SNX8: variants seen among roughly 807,000 people sequenced by gnomAD.
SNX8 encodes the protein sorting nexin-8.
A neutral mutation model predicts 51.6 loss-of-function variants in SNX8; 25 were observed. That is an observed-to-expected ratio of 0.48 (90% CI 0.35 to 0.68). The LOEUF (loss-of-function observed/expected upper bound fraction) is 0.68, where lower values mean the gene tolerates loss of function less well. Among genes scored for constraint, SNX8 ranks in the 30% least tolerant of loss-of-function variants. SNX8 has a pLI of 0.00. For synonymous variants in SNX8, 324 were observed against 277.0 expected (o/e 1.17, Z -1.68); for missense variants, 695 against 624.0 (o/e 1.11, Z -1.21).
chr7:2,294,223 A>G (rs1252692998), intron 1 of SNX8, among the ~76,000 whole-genome samples: 4 of 151,994 alleles, frequency 2.6e-5, no homozygotes, highest in African/African-American at 9.7e-5. Context: ...AGATCACGCC[A>G]TTGCACCCCA....
intron 7 of SNX8, among the ~76,000 whole-genome samples, chr7:2,260,787 G>T (rs752990277): frequency 6.6e-6 from 1 of 152,198 alleles, no homozygotes. Flanking sequence ...TCAGGAAACA[G>T]CACTTCTCCA....
chr7:2,259,416 G>C (rs1003444213), intron 7 of SNX8, among the ~76,000 whole-genome samples: 2 of 152,222 alleles, frequency 1.3e-5, no homozygotes, highest in Non-Finnish European at 2.9e-5. Flanking sequence ...CCGTGGTAGG[G>C]GGTGAAAAGC....
Position 2,278,263 on chromosome 7 carries a change from T to G in SNX8, c.137A>C (p.Gln46Pro). Residue 46 changes from glutamine (Q) to proline (P), a missense_variant, in exon 2 of 11, where the codon CAG (glutamine) becomes CCG (proline). Transcript: ENST00000222990. ...CATTCGACTGGGGGCTGGGACCTGC[T>G]GCACGATGGCCTGGGGCTCGATGGC... is the stretch of plus-strand genomic sequence containing the variant. ...PQAIEPQAIV[Q>P]QVPAPSRMQM... The G allele has an allele frequency of 6.2e-7, 1 of 1,603,350 alleles. No homozygotes were observed. Among genetic ancestry groups the G allele is most frequent in the African/African-American group, 1.3e-5 (1 of 74,880 alleles).
chr7:2,259,941 G>A (rs1482399648), intron 7 of SNX8, among the ~76,000 whole-genome samples: 2 of 151,706 alleles, frequency 1.3e-5, no homozygotes, highest in Non-Finnish European at 2.9e-5. Flanking sequence ...ATTGTCTTGA[G>A]CCACACATAA....
intron 1 of SNX8, among the ~76,000 whole-genome samples, chr7:2,321,633 C>T (rs2115225293): frequency 6.7e-6 from 1 of 149,850 alleles, no homozygotes; most frequent in South Asian, 2.1e-4. Flanking sequence ...TCACTGTGGT[C>T]TCGATCTCCT....
At chr7:2,329,897 G>A (rs1286754410) in intron 1 of SNX8, among the ~76,000 whole-genome samples, 1 of 150,380 alleles carries the variant, frequency 6.6e-6, no homozygotes, top group African/African-American at 2.5e-5. Context: ...GTGCGATCTC[G>A]GCTCACCGCA....
chr7:2,263,265 C>T lies in SNX8; in HGVS notation c.880G>A (p.Glu294Lys). Reference protein sequence around the residue: ...LKQALKGLSVEFALLADKAAQ... With the variant: ...LKQALKGLSVKFALLADKAAQ... Reference sequence around the variant, plus strand: ...GCCTTGTCGGCGAGCAGCGCGAATTCCACAGACAGGCCTTTCAGAGCCTGC... The same window carrying T: ...GCCTTGTCGGCGAGCAGCGCGAATTTCACAGACAGGCCTTTCAGAGCCTGC... The change falls in exon 7 of 11, where the codon GAA (glutamate) becomes AAA (lysine). Residue 294 changes from glutamate to lysine, a missense_variant. Glu to Lys is a moderately conservative substitution (Grantham distance 56). Coordinates refer to ENST00000222990, the MANE Select transcript of SNX8 (RefSeq NM_013321.4). 1 of 1,613,974 alleles carries T rather than the reference C, an allele frequency of 6.2e-7. No individual in the cohort carries two copies. The highest frequency in any genetic ancestry group is 8.5e-7 in the Non-Finnish European group (1 of 1,180,028).
At chr7:2,279,425 G>T (rs1795860207) in intron 1 of SNX8, among the ~76,000 whole-genome samples, 2 of 152,156 alleles carry the variant, frequency 1.3e-5, no homozygotes, top group Admixed American at 1.3e-4. Context: ...TCATGCTACA[G>T]AGTCGACGCT....
chr7:2,300,507 G>A (rs1584718535), intron 1 of SNX8, among the ~76,000 whole-genome samples: 1 of 152,032 alleles, frequency 6.6e-6, no homozygotes, highest in South Asian at 2.1e-4. Context: ...CAGTCTCTTG[G>A]GCTCAAGCGA....
intron 1 of SNX8, among the ~76,000 whole-genome samples, chr7:2,281,299 G>C (rs1795900599): frequency 6.6e-6 from 1 of 151,832 alleles, no homozygotes; most frequent in South Asian, 2.1e-4. Context: ...GCAACCTGTA[G>C]TCCCAGCTAC....
At chr7:2,321,186 G>C (rs950120194) in intron 1 of SNX8, among the ~76,000 whole-genome samples, 2 of 152,130 alleles carry the variant, frequency 1.3e-5, no homozygotes, top group Admixed American at 6.6e-5. Context: ...ATAAAGCCAG[G>C]GCTACAGGTG....
At chr7:2,336,477 G>C (rs1320341577) in intron 1 of SNX8, among the ~76,000 whole-genome samples, 3 of 152,142 alleles carry the variant, frequency 2.0e-5, no homozygotes, top group African/African-American at 7.2e-5. Flanking sequence ...GGGAGGCCAA[G>C]GCAGGCAGAT....
rs561576209 is a variant in SNX8 at position 2,303,718 on chromosome 7, G to A, written c.94+10610C>T. Among the ~76,000 whole-genome samples the A allele has an allele frequency of 8.9e-4, 135 of 152,202 alleles. 1 individual carries two copies. The highest frequency in any genetic ancestry group is 3.0e-3 in the African/African-American group (124 of 41,530). On this transcript the variant is annotated intron_variant, in intron 1 of 10. Coordinates refer to ENST00000222990, the MANE Select transcript of SNX8 (RefSeq NM_013321.4). Reference sequence around the variant, plus strand: ...CTCAGGGTTAAATGGATTAAGGGCGGTGCAAGATATGCTTTGTTAAACAGA... The same window carrying A: ...CTCAGGGTTAAATGGATTAAGGGCGATGCAAGATATGCTTTGTTAAACAGA...
chr7:2,348,061 G>C (rs1219584346), intron 1 of SNX8, among the ~76,000 whole-genome samples: 4 of 152,122 alleles, frequency 2.6e-5, no homozygotes, highest in Non-Finnish European at 2.9e-5. Flanking sequence ...TGAGAAACTT[G>C]CTGGAGAGAA....
At chr7:2,289,301 C>A (rs1032581621) in intron 1 of SNX8, among the ~76,000 whole-genome samples, 1 of 152,152 alleles carries the variant, frequency 6.6e-6, no homozygotes, top group Admixed American at 6.6e-5. Flanking sequence ...CATATGTGTG[C>A]CTTTCTGTTG....
At chr7:2,340,519 T>A (rs564771042) in intron 1 of SNX8, among the ~76,000 whole-genome samples, 2 of 152,098 alleles carry the variant, frequency 1.3e-5, no homozygotes, top group South Asian at 4.2e-4. Context: ...TCTATATTTT[T>A]ACAGGTTCCT....
chr7:2,285,069 G>T (rs149576434), intron 1 of SNX8, among the ~76,000 whole-genome samples: 83 of 152,056 alleles, frequency 5.5e-4, no homozygotes, highest in African/African-American at 1.9e-3. Context: ...AAAATTAGCC[G>T]GGTGTGGTGG....
At chr7:2,340,856 C>CAA (rs71026503) in intron 1 of SNX8, among the ~76,000 whole-genome samples, 34 of 45,122 alleles carry the variant, frequency 7.5e-4, no homozygotes, top group South Asian at 3.4e-3. Context: ...GGCTGCTTCT[C>CAA]AAAAAAAAAA....
At chr7:2,337,570 T>C (rs192131970) in intron 1 of SNX8, among the ~76,000 whole-genome samples, 6 of 152,126 alleles carry the variant, frequency 3.9e-5, no homozygotes, top group Admixed American at 3.3e-4. Context: ...CATAATAAAA[T>C]TACAGACTAT....
Sources: gnomAD v4.1 joint callset for allele counts (sites outside exome capture counted in the v4.1 genomes callset) on GRCh38, gnomAD v4.1.1 for gene constraint, MANE v1.5 for transcripts, NCBI Gene and HGNC (gene_info 2026-07-23, HGNC 2026-07-21) for gene names.